Variants in LINS1 observed in about 807,000 individuals in gnomAD.
LINS1 encodes lines homolog 1, also known as protein Lines homolog 1.
In LINS1, 27 loss-of-function variants were observed where a neutral mutation model predicts 41.6. The observed-to-expected ratio is 0.65, with a 90% CI of 0.48 to 0.89. The LOEUF (loss-of-function observed/expected upper bound fraction) is 0.89, where lower values mean the gene tolerates loss of function less well. LINS1 is among the 40% of genes least tolerant of loss of function. The probability of loss-of-function intolerance (pLI) is 0.00; values close to 1 mark genes in which losing one functional copy is unlikely to be tolerated. For synonymous variants in LINS1, 336 were observed against 312.9 expected, an observed-to-expected ratio of 1.07 and a Z score of -0.78; for missense variants, 955 against 884.1, an observed-to-expected ratio of 1.08 and a Z score of -1.02.
intron 5 of LINS1, chr15:100,572,286 A>C: frequency 1.5e-6 from 2 of 1,346,310 alleles, no homozygotes; most frequent in Non-Finnish European, 1.9e-6. Flanking sequence ...ATACATTTAA[A>C]ATGTACAGCT....
chr15:100,598,751 A>AAG (rs2039351793), intron 1 of LINS1, among the ~76,000 whole-genome samples: 1 of 152,238 alleles, frequency 6.6e-6, no homozygotes, highest in African/African-American at 2.4e-5. Context: ...TAACAAGGCA[A>AAG]ATGATGGGCT....
At chr15:100,587,636 TTC>T (rs1299342218) in intron 1 of LINS1, among the ~76,000 whole-genome samples, 1 of 152,204 alleles carries the variant, frequency 6.6e-6, no homozygotes, top group Non-Finnish European at 1.5e-5. Flanking sequence ...TCTGTGGATA[TTC>T]TGTTTCCTAT....
intron 3 of LINS1, among the ~76,000 whole-genome samples, chr15:100,577,688 G>C (rs2038265977): frequency 6.6e-6 from 1 of 152,090 alleles, no homozygotes; most frequent in Non-Finnish European, 1.5e-5. Flanking sequence ...AAGTTCATAT[G>C]GAACCAAAAA....
intron 3 of LINS1, among the ~76,000 whole-genome samples, chr15:100,579,040 G>C (rs1240302852): frequency 6.6e-6 from 1 of 152,088 alleles, no homozygotes; most frequent in African/African-American, 2.4e-5. Context: ...TAGGGGGAGG[G>C]GGAAGGGATA....
At chr15:100,577,992 T>A (rs2038290048) in intron 3 of LINS1, among the ~76,000 whole-genome samples, 1 of 152,172 alleles carries the variant, frequency 6.6e-6, no homozygotes, top group African/African-American at 2.4e-5. Flanking sequence ...TGAAACTGGA[T>A]CTCTTCCTTA....
chr15:100,571,826 A>G (rs2037843369), intron 6 of LINS1, 68 bp downstream of exon 6: 1 of 1,570,524 alleles, frequency 6.4e-7, no homozygotes, highest in Non-Finnish European at 8.8e-7. Context: ...CGCCCAGCAC[A>G]TTCTCAGAAA....
At chr15:100,592,985 A>G (rs1214792774) in intron 1 of LINS1, among the ~76,000 whole-genome samples, 2 of 152,218 alleles carry the variant, frequency 1.3e-5, no homozygotes, top group Non-Finnish European at 2.9e-5. Context: ...GGAAAGGACA[A>G]ATCCTTAAGA....
chr15:100,577,069 C>A (rs1301979143), intron 3 of LINS1, among the ~76,000 whole-genome samples: 4 of 152,194 alleles, frequency 2.6e-5, no homozygotes, highest in Admixed American at 2.6e-4. Context: ...CAGCCAATAT[C>A]ATACTGAATG....
At chr15:100,596,743 A>G (rs144154010) in intron 1 of LINS1, among the ~76,000 whole-genome samples, 71 of 152,342 alleles carry the variant, frequency 4.7e-4, no homozygotes, top group African/African-American at 1.7e-3. Context: ...CCAATGGGAA[A>G]GGGCTACCTG....
In LINS1 at chr15:100,596,151, T is replaced by C. The variant is rs571204050; in HGVS notation, c.-104+5970A>G. On this transcript the variant is annotated intron_variant, in intron 1 of 6. Coordinates refer to ENST00000314742, the MANE Select transcript of LINS1 (RefSeq NM_001040616.3). ...CCAGGAACTGCCAGCTCTCTTTACCTTCAGGGCTAAAGGGGGTGCTGGCGG... is the reference window on the plus strand; with the variant it reads ...CCAGGAACTGCCAGCTCTCTTTACCCTCAGGGCTAAAGGGGGTGCTGGCGG... 2.0e-5 allele frequency among the ~76,000 whole-genome samples: 3 copies of C among 152,312 alleles called. No individual in the cohort carries two copies. In the South Asian group the frequency reaches 6.2e-4, roughly 32 times the overall value.
chr15:100,570,543 C>T (rs2037765951), intron 6 of LINS1: 1 of 156,120 alleles, frequency 6.4e-6, no homozygotes, highest in Admixed American at 6.3e-5. Flanking sequence ...GCTCTGTGAC[C>T]CAAGTGGGTT....
At chr15:100,601,750 C>G (rs187916107) in intron 1 of LINS1, among the ~76,000 whole-genome samples, 1 of 152,128 alleles carries the variant, frequency 6.6e-6, no homozygotes, top group Admixed American at 6.5e-5. Context: ...GCTTAACAAA[C>G]GTGTCTTGAT....
intron 1 of LINS1, among the ~76,000 whole-genome samples, chr15:100,586,801 G>A (rs897131187): frequency 6.6e-6 from 1 of 152,032 alleles, no homozygotes; most frequent in Non-Finnish European, 1.5e-5. Context: ...ACAGAGAATT[G>A]GAGACATTTG....
rs537313609 is a variant in LINS1, at chr15:100,582,530, A to C, written c.-103-1585T>G. 5.6e-5 allele frequency among the ~76,000 whole-genome samples: 8 copies of C among 141,792 alleles called. 1 individual carries two copies. The South Asian group carries it at 1.6e-3, about 28-fold the overall frequency. The allele number at this position is 141,792 out of a possible 152,430, so 93.0% of individuals were successfully genotyped here. A position where few individuals can be genotyped will look rare whatever the true frequency, so the allele number is the denominator to read the frequency against. The stretch of plus-strand genomic sequence containing the variant: ...GGCCCACCAGCCTAGTCTTGGTCTT[A>C]CACTGGGTCTTCCGTCTACACTATG... On this transcript the variant is annotated intron_variant, in intron 1 of 6. Coordinates refer to ENST00000314742, the MANE Select transcript of LINS1 (RefSeq NM_001040616.3).
intron 1 of LINS1, among the ~76,000 whole-genome samples, chr15:100,597,122 T>C (rs2039284636): frequency 6.6e-6 from 1 of 152,204 alleles, no homozygotes; most frequent in South Asian, 2.1e-4. Flanking sequence ...GCACTTGCTT[T>C]CACTCTGCAA....
chr15:100,580,984 T>C (rs1467608194), intron 1 of LINS1, 39 bp from the exon 2 acceptor site: 1 of 715,800 alleles, frequency 1.4e-6, no homozygotes, highest in South Asian at 2.0e-5. Context: ...CTAACTGCTA[T>C]ATGCTTATTA....
At position 100,591,692 on chromosome 15, in the gene LINS1, T is replaced by A. The variant is rs371608643; in HGVS notation, c.-104+10429A>T. ...TTCCCATTAAATCTTTTAACCAAAT[T>A]CATTTCCTCTCGCCTAGAAACCATC... On this transcript the variant is annotated intron_variant, in intron 1 of 6. Transcript: ENST00000314742. 1.2e-4 allele frequency among the ~76,000 whole-genome samples: 18 copies of A among 152,252 alleles called. 1 individual carries two copies. The East Asian group carries it at 2.1e-3, about 18-fold the overall frequency.
At chr15:100,597,374 C>A (rs1362948865) in intron 1 of LINS1, among the ~76,000 whole-genome samples, 1 of 151,768 alleles carries the variant, frequency 6.6e-6, no homozygotes, top group South Asian at 2.1e-4. Context: ...ATTCTCAAAC[C>A]GTAGCATCAG....
At chr15:100,586,914 C>T (rs1206657438) in intron 1 of LINS1, among the ~76,000 whole-genome samples, 1 of 152,038 alleles carries the variant, frequency 6.6e-6, no homozygotes, top group Non-Finnish European at 1.5e-5. Flanking sequence ...GTAATCCCAG[C>T]AACTTGGGAG....
Sources: gnomAD v4.1 joint callset for allele counts (sites outside exome capture counted in the v4.1 genomes callset) on GRCh38, gnomAD v4.1.1 for gene constraint, MANE v1.5 for transcripts, NCBI Gene and HGNC (gene_info 2026-07-23, HGNC 2026-07-21) for gene names.